Variants in FHIT observed in about 807,000 individuals in gnomAD.
FHIT encodes the protein bis(5'-adenosyl)-triphosphatase.
Under a neutral mutation model 17.9 loss-of-function variants are expected in FHIT, and 19 were observed. The ratio of observed to expected loss-of-function variants is 1.06; its 90% confidence interval spans 0.74 to 1.56. The LOEUF (loss-of-function observed/expected upper bound fraction) is 1.56. Among genes scored for constraint, FHIT ranks in the 40% most tolerant of loss-of-function variants. The probability of loss-of-function intolerance (pLI) is 0.00; values close to 1 mark genes in which losing one functional copy is unlikely to be tolerated. For missense variants in FHIT, 248 were observed against 189.2 expected (o/e 1.31, Z -1.82); for synonymous variants, 81 against 69.7 (o/e 1.16, Z -0.81).
At chr3:61,036,897 C>CTTTGTTTTTTT (rs1559928900) in intron 3 of FHIT, among the ~76,000 whole-genome samples, 54 of 55,048 alleles carry the variant, frequency 9.8e-4, no homozygotes, top group African/African-American at 2.1e-3. Context: ...GATCAGTCTG[C>CTTTGTTTTTTT]TTTGTTTTTT....
At chr3:59,802,278 G>T (rs1700026568) in intron 8 of FHIT, among the ~76,000 whole-genome samples, 1 of 152,052 alleles carries the variant, frequency 6.6e-6, no homozygotes, top group African/African-American at 2.4e-5. Context: ...AAGCCTGTGT[G>T]TGCTCTAGTT....
At chr3:61,148,684 A>G (rs1283172507) in intron 2 of FHIT, among the ~76,000 whole-genome samples, 1 of 152,186 alleles carries the variant, frequency 6.6e-6, no homozygotes. Flanking sequence ...TGTCTTTTTC[A>G]TGAGCATATG....
intron 4 of FHIT, among the ~76,000 whole-genome samples, chr3:60,551,923 A>T (rs1263385206): frequency 2.0e-5 from 3 of 152,044 alleles, no homozygotes; most frequent in Non-Finnish European, 4.4e-5. Context: ...TACAATTATC[A>T]TAACTACCTA....
At chr3:60,217,831 A>C (rs894819712) in intron 5 of FHIT, among the ~76,000 whole-genome samples, 3 of 152,168 alleles carry the variant, frequency 2.0e-5, no homozygotes, top group Non-Finnish European at 2.9e-5. Context: ...TCACTTCCTC[A>C]AGGAATTACT....
chr3:60,073,916 T>A (rs1007769100), intron 5 of FHIT, among the ~76,000 whole-genome samples: 2 of 152,180 alleles, frequency 1.3e-5, no homozygotes, highest in Admixed American at 6.6e-5. Context: ...TGAAGTAAAT[T>A]AGATTGTTGT....
intron 4 of FHIT, among the ~76,000 whole-genome samples, chr3:60,753,606 T>G (rs1342849841): frequency 6.6e-6 from 1 of 152,212 alleles, no homozygotes; most frequent in Admixed American, 6.5e-5. Flanking sequence ...TTCTTGATTC[T>G]TCCATCTAAT....
chr3:60,946,897 T>C (rs781977924), intron 3 of FHIT, among the ~76,000 whole-genome samples: 13 of 152,164 alleles, frequency 8.5e-5, no homozygotes, highest in Non-Finnish European at 1.9e-4. Flanking sequence ...AGATAGACAA[T>C]AGGCACATGT....
At position 60,288,566 on chromosome 3, in the gene FHIT, A is replaced by AGTGTGTGTGTGTGTGTGTGTGTGT. The variant is rs139336094; in HGVS notation, c.103+248270_103+248293dup. On this transcript the variant is annotated intron_variant, in intron 5 of 9. Transcript: ENST00000492590. Reference sequence around the variant, plus strand: ...CATTCTGTTTTCTAGGTTCTGGCACAGTGTGTGTGTGTGTGTGTGTGTGTG... The same window carrying AGTGTGTGTGTGTGTGTGTGTGTGT: ...CATTCTGTTTTCTAGGTTCTGGCACAGTGTGTGTGTGTGTGTGTGTGTGTGTGTGTGTGTGTGTGTGTGTGTGTG... Among the ~76,000 whole-genome samples the AGTGTGTGTGTGTGTGTGTGTGTGT allele has an allele frequency of 1.6e-3, 238 of 144,654 alleles. 1 individual carries two copies. Among genetic ancestry groups the AGTGTGTGTGTGTGTGTGTGTGTGT allele is most frequent in the Non-Finnish European group, 2.1e-3 (139 of 65,874 alleles). The allele number at this position is 144,654 out of a possible 152,430, so 94.9% of individuals were successfully genotyped here.
intron 8 of FHIT, among the ~76,000 whole-genome samples, chr3:59,786,997 C>G (rs188537242): frequency 4.6e-5 from 7 of 152,286 alleles, no homozygotes; most frequent in African/African-American, 9.6e-5. Flanking sequence ...ACCCCTACCC[C>G]CTTCTCAGTG....
intron 5 of FHIT, among the ~76,000 whole-genome samples, chr3:60,466,199 A>G (rs1320378211): frequency 6.6e-6 from 1 of 152,112 alleles, no homozygotes; most frequent in African/African-American, 2.4e-5. Context: ...CTGTTGGCAT[A>G]TAAAAATGCT....
intron 4 of FHIT, among the ~76,000 whole-genome samples, chr3:60,799,426 A>G (rs1471904526): frequency 5.3e-5 from 8 of 152,188 alleles, no homozygotes; most frequent in African/African-American, 1.7e-4. Context: ...CACCTGCCTC[A>G]GCCTCCCAAA....
intron 3 of FHIT, among the ~76,000 whole-genome samples, chr3:60,889,890 G>T (rs7643970): frequency 2.0e-4 from 31 of 152,038 alleles, no homozygotes; most frequent in African/African-American, 7.5e-4. Context: ...TTTGTCAAAA[G>T]GGGAAACTCA....
intron 3 of FHIT, among the ~76,000 whole-genome samples, chr3:60,948,066 C>A (rs557831400): frequency 2.0e-5 from 3 of 152,144 alleles, no homozygotes; most frequent in Non-Finnish European, 4.4e-5. Flanking sequence ...TATAATTGCT[C>A]AGATTCCCTA....
chr3:60,597,661 C>T (rs1350281702), intron 4 of FHIT, among the ~76,000 whole-genome samples: 1 of 152,100 alleles, frequency 6.6e-6, no homozygotes, highest in Non-Finnish European at 1.5e-5. Flanking sequence ...TTAAGACCCT[C>T]AAGTGTGAAC....
chr3:60,234,789 C>T (rs1704682618), intron 5 of FHIT, among the ~76,000 whole-genome samples: 1 of 152,136 alleles, frequency 6.6e-6, no homozygotes, highest in Non-Finnish European at 1.5e-5. Context: ...TTGGATGTCA[C>T]CTTCAGAGCT....
At chr3:59,980,465 C>T (rs138107533) in intron 7 of FHIT, among the ~76,000 whole-genome samples, 4 of 152,284 alleles carry the variant, frequency 2.6e-5, no homozygotes, top group East Asian at 1.9e-4. Flanking sequence ...ATAATTAGCC[C>T]TCATTCTACA....
chr3:61,247,578 A>G (rs1003473503), intron 1 of FHIT, among the ~76,000 whole-genome samples: 6 of 152,326 alleles, frequency 3.9e-5, no homozygotes, highest in African/African-American at 1.4e-4. Context: ...CTCTCTGCCC[A>G]CACAAGAGAG....
At chr3:61,146,974 T>C (rs2037243379) in intron 2 of FHIT, among the ~76,000 whole-genome samples, 1 of 152,018 alleles carries the variant, frequency 6.6e-6, no homozygotes, top group African/African-American at 2.4e-5. Context: ...TTATGTACAT[T>C]CCTCTGTAGC....
chr3:60,620,961 G>A (rs1186638434), intron 4 of FHIT, among the ~76,000 whole-genome samples: 2 of 151,974 alleles, frequency 1.3e-5, no homozygotes, highest in Non-Finnish European at 2.9e-5. Flanking sequence ...TGTTAAAAAA[G>A]AAATAGTGTA....
Sources: gnomAD v4.1 joint callset for allele counts (sites outside exome capture counted in the v4.1 genomes callset) on GRCh38, gnomAD v4.1.1 for gene constraint, MANE v1.5 for transcripts, NCBI Gene and HGNC (gene_info 2026-07-23, HGNC 2026-07-21) for gene names.